KCNH5: variants seen among roughly 807,000 people sequenced by gnomAD.
KCNH5 encodes the protein voltage-gated delayed rectifier potassium channel KCNH5.
In KCNH5, 46 loss-of-function variants were observed where a neutral mutation model predicts 96.1. The ratio of observed to expected loss-of-function variants is 0.48; its 90% CI spans 0.38 to 0.61. The LOEUF is 0.61. Ranked by LOEUF, KCNH5 falls within the 20% of genes least tolerant of loss-of-function variation. The pLI is 0.00. For missense variants in KCNH5, 907 were observed against 1,225.8 expected, an observed-to-expected ratio of 0.74 and a Z score of 3.88; for synonymous variants, 439 against 449.8, an observed-to-expected ratio of 0.98 and a Z score of 0.30.
intron 7 of KCNH5, among the ~76,000 whole-genome samples, chr14:62,876,355 C>T (rs1192785296): frequency 6.6e-6 from 1 of 152,100 alleles, no homozygotes; most frequent in Admixed American, 6.6e-5. Context: ...AAATTTTATC[C>T]AGTGCAATAA....
chr14:62,774,059 C>T (rs1398791219), intron 10 of KCNH5, among the ~76,000 whole-genome samples: 2 of 152,170 alleles, frequency 1.3e-5, no homozygotes, highest in Admixed American at 1.3e-4. Context: ...TGCATATCAT[C>T]ATATTCATGG....
intron 9 of KCNH5, among the ~76,000 whole-genome samples, chr14:62,780,327 C>G (rs1315408969): frequency 6.6e-6 from 1 of 152,178 alleles, no homozygotes; most frequent in Non-Finnish European, 1.5e-5. Flanking sequence ...GCTGTAACAG[C>G]CTTTATAAAT....
At chr14:62,750,148 C>T (rs1443180993) in intron 10 of KCNH5, among the ~76,000 whole-genome samples, 1 of 152,162 alleles carries the variant, frequency 6.6e-6, no homozygotes, top group African/African-American at 2.4e-5. Context: ...ACAGGCCTTA[C>T]TAGAGGAGGA....
Position 62,955,544 on chromosome 14 carries a change from T to G in KCNH5, c.943-4985A>C, listed in dbSNP as rs148899174. ...ACATAGTAAGAGGAGGAAGCCAGATTCACATTCAGGCAGTCTGTCTCCAGA... is the reference window on the plus strand; with the variant it reads ...ACATAGTAAGAGGAGGAAGCCAGATGCACATTCAGGCAGTCTGTCTCCAGA... On this transcript the variant is annotated intron_variant, in intron 6 of 10. Coordinates refer to ENST00000322893, the MANE Select transcript of KCNH5 (RefSeq NM_139318.5). Among the ~76,000 whole-genome samples the G allele has an allele frequency of 2.4e-3, 363 of 152,304 alleles. 2 individuals are homozygous for G. Among genetic ancestry groups the G allele is most frequent in the African/African-American group, 8.4e-3 (348 of 41,582 alleles).
chr14:62,836,107 C>T (rs1887462571), intron 8 of KCNH5, among the ~76,000 whole-genome samples: 2 of 151,906 alleles, frequency 1.3e-5, no homozygotes, highest in South Asian at 4.1e-4. Context: ...CTGTGTGGTT[C>T]TTGGCTTGAC....
At chr14:62,850,072 C>A (rs915697635) in intron 7 of KCNH5, among the ~76,000 whole-genome samples, 2 of 152,070 alleles carry the variant, frequency 1.3e-5, no homozygotes. Flanking sequence ...GAGCTCTAGT[C>A]AACATGACAA....
chr14:62,707,875 C>A lies in KCNH5; in HGVS notation c.2600G>T (p.Gly867Val), dbSNP rs1156923736. 1.2e-6 allele frequency: 2 copies of A among 1,614,156 alleles called. No individual in the cohort carries two copies. The highest frequency in any genetic ancestry group is 1.7e-6 in the Non-Finnish European group (2 of 1,180,030). Reference sequence around the variant, plus strand: ...CAAACGAAGGTCACTTTTTGTAATTCCACTGTCACAAGAATCTGTTTTTCT... The same window carrying A: ...CAAACGAAGGTCACTTTTTGTAATTACACTGTCACAAGAATCTGTTTTTCT... The part of the protein sequence containing the change: ...PLRKTDSCDS[G>V]ITKSDLRLDK... The change falls in exon 11 of 11, where the codon GGA (glycine) becomes GTA (valine). Residue 867 changes from glycine (G) to valine (V), a missense_variant. Physicochemically the swap from Gly to Val is moderately radical, Grantham distance 109. Coordinates refer to ENST00000322893, the MANE Select transcript of KCNH5 (RefSeq NM_139318.5).
chr14:63,042,295 G>A (rs1891839299), intron 1 of KCNH5, among the ~76,000 whole-genome samples: 1 of 152,180 alleles, frequency 6.6e-6, no homozygotes, highest in Admixed American at 6.5e-5. Context: ...TCCTAAAAAA[G>A]AAGAAGTAGG....
At chr14:63,034,095 A>T (rs1018827819) in intron 1 of KCNH5, among the ~76,000 whole-genome samples, 1 of 151,746 alleles carries the variant, frequency 6.6e-6, no homozygotes, top group African/African-American at 2.4e-5. Context: ...AATTTTTTGT[A>T]TTTTAGTAGA....
intron 9 of KCNH5, among the ~76,000 whole-genome samples, chr14:62,786,929 C>T (rs1886331944): frequency 6.6e-6 from 1 of 152,150 alleles, no homozygotes; most frequent in African/African-American, 2.4e-5. Flanking sequence ...CCAACTCCCT[C>T]TTCCTCTCCT....
At chr14:62,960,751 G>A (rs1183510817) in intron 6 of KCNH5, among the ~76,000 whole-genome samples, 4 of 152,094 alleles carry the variant, frequency 2.6e-5, no homozygotes, top group African/African-American at 9.7e-5. Context: ...TTCCTATTCA[G>A]AATTCACTGC....
At chr14:62,785,301 T>C (rs193207540) in intron 9 of KCNH5, among the ~76,000 whole-genome samples, 4 of 152,352 alleles carry the variant, frequency 2.6e-5, no homozygotes, top group African/African-American at 4.8e-5. Flanking sequence ...CCAGAAATCA[T>C]AGGCTGTGAA....
At chr14:62,910,428 T>A (rs955809480) in intron 7 of KCNH5, among the ~76,000 whole-genome samples, 1 of 151,984 alleles carries the variant, frequency 6.6e-6, no homozygotes, top group Non-Finnish European at 1.5e-5. Flanking sequence ...TGGAGACAAA[T>A]AGTCATTACA....
intron 4 of KCNH5, among the ~76,000 whole-genome samples, chr14:62,994,703 C>T (rs1322700793): frequency 6.6e-6 from 1 of 151,960 alleles, no homozygotes; most frequent in Non-Finnish European, 1.5e-5. Flanking sequence ...TAAACCTCAA[C>T]AATAAGTCTC....
At chr14:62,998,369 G>A (rs1479861809) in intron 4 of KCNH5, among the ~76,000 whole-genome samples, 1 of 152,086 alleles carries the variant, frequency 6.6e-6, no homozygotes, top group Non-Finnish European at 1.5e-5. Flanking sequence ...CCTGGCTAGA[G>A]GTTTACTAAC....
chr14:62,713,192 A>G (rs186908876), intron 10 of KCNH5, among the ~76,000 whole-genome samples: 9 of 152,358 alleles, frequency 5.9e-5, no homozygotes, highest in Admixed American at 5.9e-4. Context: ...TGGTGCGTCT[A>G]GGAATGGAAA....
chr14:62,852,858 G>A (rs1887835209), intron 7 of KCNH5, among the ~76,000 whole-genome samples: 1 of 152,108 alleles, frequency 6.6e-6, no homozygotes, highest in Non-Finnish European at 1.5e-5. Context: ...AGAGGCCTTG[G>A]AGCATGACAC....
intron 10 of KCNH5, among the ~76,000 whole-genome samples, chr14:62,711,861 C>A (rs1383413683): frequency 2.0e-5 from 3 of 152,190 alleles, no homozygotes; most frequent in Non-Finnish European, 4.4e-5. Flanking sequence ...TGATCTGCCA[C>A]CAGGGACTTT....
At chr14:63,028,005 C>G (rs7159948) in intron 1 of KCNH5, among the ~76,000 whole-genome samples, 36,156 of 151,896 alleles carry the variant, frequency 0.24, 5,512 homozygotes, top group East Asian at 0.51. Context: ...TCAATTTTGG[C>G]TGCATTAATC....
Sources: allele counts gnomAD v4.1 joint callset (sites outside exome capture counted in the v4.1 genomes callset), GRCh38; gene constraint gnomAD v4.1.1; transcripts MANE v1.5; gene names NCBI Gene and HGNC (gene_info 2026-07-23, HGNC 2026-07-21).